EPHX1: variants seen among roughly 807,000 people sequenced by gnomAD.
EPHX1 encodes the protein epoxide hydratase.
EPHX1 carries 40 observed loss-of-function variants against 43.2 expected under a neutral mutation model. The observed-to-expected ratio is 0.93, with a 90% CI of 0.72 to 1.21. The LOEUF (loss-of-function observed/expected upper bound fraction) is 1.21. Ranked by LOEUF, EPHX1 falls within the 50% of genes most tolerant of loss-of-function variation. The probability of loss-of-function intolerance (pLI) is 0.00; values close to 1 mark genes in which losing one functional copy is unlikely to be tolerated. For synonymous variants in EPHX1, 221 were observed against 226.7 expected, an observed-to-expected ratio of 0.98 and a Z score of 0.22; for missense variants, 550 against 570.4, an observed-to-expected ratio of 0.96 and a Z score of 0.36.
intron 2 of EPHX1, 72 bp from the exon 3 acceptor site, chr1:225,831,707 T>C: frequency 6.5e-7 from 1 of 1,529,398 alleles, no homozygotes; most frequent in Non-Finnish European, 9.0e-7. Flanking sequence ...CTGTGTTTTC[T>C]GGAAACAGAC....
At chr1:225,831,298 C>T (rs1286779777) in intron 2 of EPHX1, among the ~76,000 whole-genome samples, 1 of 152,202 alleles carries the variant, frequency 6.6e-6, no homozygotes, top group Non-Finnish European at 1.5e-5. Flanking sequence ...CCTGTAATCC[C>T]ACCACTTTGG....
At chr1:225,844,934 C>CTG (rs1668808691) in intron 8 of EPHX1, among the ~76,000 whole-genome samples, 2 of 152,162 alleles carry the variant, frequency 1.3e-5, no homozygotes, top group South Asian at 4.1e-4. Flanking sequence ...GATTTAGAGG[C>CTG]TGTCCCATGC....
intron 3 of EPHX1, among the ~76,000 whole-genome samples, chr1:225,833,939 A>G (rs1576014308): frequency 1.3e-5 from 2 of 151,186 alleles, no homozygotes; most frequent in South Asian, 2.1e-4. Flanking sequence ...TCTACTAAAA[A>G]TACAAAAAAT....
Position 225,844,629 on chromosome 1 carries a change from C to G in EPHX1, c.1166+6C>G, listed in dbSNP as rs375479245. The G allele has an allele frequency of 8.1e-6, 13 of 1,613,684 alleles. No homozygotes were observed. In the African/African-American group the frequency reaches 1.6e-4, roughly 20 times the overall value. ...ATGACCCAGAAGCATGAGCGGTGAG[C>G]CTGGCTGAGCCGAGAACAGGGGCCT... On this transcript the variant is annotated splice_donor_region_variant and intron_variant, in intron 8 of 8. Coordinates refer to ENST00000272167, the MANE Select transcript of EPHX1 (RefSeq NM_001136018.4).
At chr1:225,812,635 G>T (rs528305442) in intron 1 of EPHX1, among the ~76,000 whole-genome samples, 1 of 152,334 alleles carries the variant, frequency 6.6e-6, no homozygotes, top group East Asian at 1.9e-4. Flanking sequence ...CTTGATTCCC[G>T]TTCTGGTATC....
intron 1 of EPHX1, among the ~76,000 whole-genome samples, chr1:225,819,443 G>T (rs1375775241): frequency 6.6e-6 from 1 of 152,086 alleles, no homozygotes; most frequent in Non-Finnish European, 1.5e-5. Context: ...TGGCTTCAGA[G>T]TGGCCATTGT....
rs775517001 is a variant in EPHX1, at chr1:225,845,339, C to T, written c.1360C>T (p.Arg454Trp). The change falls in exon 9 of 9, where the codon CGG becomes TGG. Residue 454 changes from arginine to tryptophan, a missense_variant. By Grantham distance (101) the Arg-to-Trp change is moderately radical. Coordinates refer to ENST00000272167, the MANE Select transcript of EPHX1 (RefSeq NM_001136018.4). ...CCGCAAGTTCCTGTCGGTGCTGGAG[C>T]GGCAATGACCCACCCCTCTCCCCCC... ...DIRKFLSVLE[R>W]Q The T allele has an allele frequency of 5.6e-6, 9 of 1,608,990 alleles. No homozygotes were observed. Among genetic ancestry groups the T allele is most frequent in the South Asian group, 3.3e-5 (3 of 90,672 alleles).
At chr1:225,823,809 C>G (rs1355087103) in intron 1 of EPHX1, among the ~76,000 whole-genome samples, 1 of 152,160 alleles carries the variant, frequency 6.6e-6, no homozygotes, top group Non-Finnish European at 1.5e-5. Context: ...ACCAGCCCAA[C>G]CCCAAGAAGT....
At chr1:225,826,228 C>T (rs534294347) in intron 1 of EPHX1, among the ~76,000 whole-genome samples, 4 of 152,066 alleles carry the variant, frequency 2.6e-5, no homozygotes, top group African/African-American at 9.6e-5. Flanking sequence ...CTTTGGAAAG[C>T]CGAGGTGGGC....
At chr1:225,839,705 G>T in intron 5 of EPHX1, 124 bp from the exon 6 acceptor site, 2 of 1,103,478 alleles carry the variant, frequency 1.8e-6, no homozygotes, top group South Asian at 2.5e-5. Context: ...AGTGGGGCCA[G>T]TGCTGAAAGA....
intron 1 of EPHX1, chr1:225,810,663 C>G (rs1666432528): frequency 6.6e-6 from 1 of 150,966 alleles, no homozygotes; most frequent in Non-Finnish European, 1.5e-5. Flanking sequence ...CGGGCTGAGT[C>G]CGAAAAGAGT....
chr1:225,826,027 C>A (rs1667216560), intron 1 of EPHX1, among the ~76,000 whole-genome samples: 1 of 152,174 alleles, frequency 6.6e-6, no homozygotes, highest in African/African-American at 2.4e-5. Context: ...TTTTTCTTTT[C>A]TGAATTACTT....
intron 8 of EPHX1, among the ~76,000 whole-genome samples, 157 bp downstream of exon 8, chr1:225,844,780 G>A (rs1668789928): frequency 6.6e-6 from 1 of 152,182 alleles, no homozygotes; most frequent in Non-Finnish European, 1.5e-5. Flanking sequence ...AGGTCGAGGT[G>A]TTTGGAGAAA....
At chr1:225,828,517 C>CAT (rs45437093) in intron 1 of EPHX1, among the ~76,000 whole-genome samples, 9 of 148,296 alleles carry the variant, frequency 6.1e-5, no homozygotes, top group Non-Finnish European at 8.9e-5. Flanking sequence ...TTTTCTAGAT[C>CAT]ATATATATAT....
chr1:225,839,734 T>C, intron 5 of EPHX1, 95 bp from the exon 6 acceptor site: 1 of 1,333,406 alleles, frequency 7.5e-7, no homozygotes, highest in Non-Finnish European at 1.1e-6. Context: ...CTGTGCTCGC[T>C]CCTCAGCCCT....
chr1:225,823,943 C>A (rs2854461), intron 1 of EPHX1, among the ~76,000 whole-genome samples: 46,292 of 152,074 alleles, frequency 0.3, 7,915 homozygotes, highest in East Asian at 0.54. Context: ...CCTTACTCCA[C>A]ATAAAGCCGC....
intron 3 of EPHX1, among the ~76,000 whole-genome samples, chr1:225,832,463 A>T (rs1667664204): frequency 6.6e-6 from 1 of 152,244 alleles, no homozygotes; most frequent in Non-Finnish European, 1.5e-5. Flanking sequence ...TGAAGCCAGG[A>T]GGCGGAGGTT....
At chr1:225,838,175 T>C (rs1384860528) in intron 3 of EPHX1, among the ~76,000 whole-genome samples, 1 of 152,258 alleles carries the variant, frequency 6.6e-6, no homozygotes, top group African/African-American at 2.4e-5. Flanking sequence ...TAAATAAATA[T>C]ACATCTACCT....
At chr1:225,821,526 G>GATTTACCTT (rs1481472023) in intron 1 of EPHX1, among the ~76,000 whole-genome samples, 4 of 147,800 alleles carry the variant, frequency 2.7e-5, no homozygotes, top group South Asian at 2.1e-4. Flanking sequence ...GATTACAGGT[G>GATTTACCTT]TGAGCCACCA....
Sources: allele counts gnomAD v4.1 joint callset (sites outside exome capture counted in the v4.1 genomes callset), GRCh38; gene constraint gnomAD v4.1.1; transcripts MANE v1.5; gene names NCBI Gene and HGNC (gene_info 2026-07-23, HGNC 2026-07-21).